The following PECAM1 variants were observed in gnomAD, a reference collection of about 807,000 sequenced individuals.
The protein encoded by PECAM1 is platelet and endothelial cell adhesion molecule 1.
Under a neutral mutation model 13.8 loss-of-function variants are expected in PECAM1, and 8 were observed. The observed-to-expected ratio is 0.58, with a 90% CI of 0.34 to 1.05. The LOEUF (loss-of-function observed/expected upper bound fraction) is 1.05. PECAM1 is among the 50% of genes least tolerant of loss of function. The pLI is 0.03. For synonymous variants in PECAM1, 136 were observed against 52.6 expected (o/e 2.58, Z -6.86); for missense variants, 304 against 141.2 (o/e 2.15, Z -5.84).
chr17:64,362,719 G>C (rs1431321976), intron 6 of PECAM1, among the ~76,000 whole-genome samples: 3 of 151,518 alleles, frequency 2.0e-5, no homozygotes, highest in African/African-American at 7.3e-5. Flanking sequence ...CAGACATGGT[G>C]GTGGGCACCT....
chr17:64,365,313 A>C (rs1383038050), intron 5 of PECAM1, among the ~76,000 whole-genome samples: 1 of 152,208 alleles, frequency 6.6e-6, no homozygotes, highest in Non-Finnish European at 1.5e-5. Flanking sequence ...CTGCTCAATG[A>C]AATAAAAGAG....
At chr17:64,349,586 T>TAAAAAAAAAAAA (rs1598018601) in intron 12 of PECAM1, among the ~76,000 whole-genome samples, 2 of 8,382 alleles carry the variant, frequency 2.4e-4, no homozygotes, top group Non-Finnish European at 1.6e-3. Flanking sequence ...AGACTCTGTA[T>TAAAAAAAAAAAA]CAAAAAAAAA....
At chr17:64,338,626 C>T (rs992301449) in intron 14 of PECAM1, among the ~76,000 whole-genome samples, 6 of 152,086 alleles carry the variant, frequency 3.9e-5, no homozygotes, top group Admixed American at 1.3e-4. Flanking sequence ...AGCGTGATCT[C>T]GGCTCACTGC....
rs1275447556 is a variant in PECAM1, at chr17:64,371,083, T to C, written c.692-1058A>G. 3.3e-5 allele frequency among the ~76,000 whole-genome samples: 5 copies of C among 152,288 alleles called. No homozygotes were observed. The East Asian group carries it at 9.6e-4, about 29-fold the overall frequency. ...TAATAATAGCTGAAGGGTGTTTTTC[T>C]TTCACCCAAATCACCTCCAGATGCA... On this transcript the variant is annotated intron_variant, in intron 4 of 15. Coordinates refer to ENST00000563924, the MANE Select transcript of PECAM1 (RefSeq NM_000442.5).
At chr17:64,324,610 G>A (rs910974350) in intron 15 of PECAM1, among the ~76,000 whole-genome samples, 1 of 152,176 alleles carries the variant, frequency 6.6e-6, no homozygotes, top group Non-Finnish European at 1.5e-5. Flanking sequence ...AGATGTACCC[G>A]TTTGAGGCCT....
Position 64,373,148 on chromosome 17 carries a change from A to AAATAAATAAAT in PECAM1, c.691+1902_691+1903insATTTATTTATT, listed in dbSNP as rs1598045725. On this transcript the variant is annotated intron_variant, in intron 4 of 15. Transcript: ENST00000563924. ...ATAAATAAATAAATAAATAAATAAA[A>AAATAAATAAAT]AAAAAAGAAAATGCACAAAACATCT... 9.2e-3 allele frequency among the ~76,000 whole-genome samples: 1,278 copies of AAATAAATAAAT among 139,368 alleles called. 13 individuals carry two copies. The highest frequency in any genetic ancestry group is 0.031 in the South Asian group (132 of 4,314). The allele number at this position is 139,368 out of a possible 152,430, so 91.4% of individuals were successfully genotyped here. A position where few individuals can be genotyped will look rare whatever the true frequency, so the allele number is the denominator to read the frequency against.
At chr17:64,356,069 T>TG (rs2035839608) in intron 8 of PECAM1, 42 bp downstream of exon 8, 3 of 475,168 alleles carry the variant, frequency 6.3e-6, no homozygotes, top group African/African-American at 2.0e-5. Context: ...GTCTTGCCCT[T>TG]GGGAGCCCAC....
rs1285386869 is a variant in PECAM1 at position 64,321,297 on chromosome 17, T to A, written c.*2519A>T. 1 of 305,502 alleles carries A rather than the reference T, an allele frequency of 3.3e-6. No individual in the cohort carries two copies. Among genetic ancestry groups the A allele is most frequent in the Non-Finnish European group, 4.8e-6 (1 of 208,588 alleles). The allele number at this position is 305,502 out of a possible 1,614,324, so 18.9% of individuals were successfully genotyped here. On this transcript the variant is annotated 3_prime_UTR_variant, in exon 16 of 16. Coordinates refer to ENST00000563924, the MANE Select transcript of PECAM1 (RefSeq NM_000442.5). ...ACTCCTGGAGTGGGTGCTCCTGGGA[T>A]GCTTCAGGTTTAGACACCGGGGTTA...
At chr17:64,361,127 A>ATGTGTGTGTGTGTGTGTG (rs1384237450) in intron 6 of PECAM1, among the ~76,000 whole-genome samples, 2,315 of 46,696 alleles carry the variant, frequency 0.05, 99 homozygotes, top group African/African-American at 0.11. Flanking sequence ...GGCTGAGCAT[A>ATGTGTGTGTGTGTGTGTG]TATGTGTGTG....
In PECAM1 at chr17:64,384,285, C is replaced by A. The variant is rs949145708; in HGVS notation, c.92-6168G>T. Among the ~76,000 whole-genome samples, 804 of 152,264 alleles carry A rather than the reference C, an allele frequency of 5.3e-3. 4 individuals carry two copies. Among genetic ancestry groups the A allele is most frequent in the African/African-American group, 0.019 (774 of 41,546 alleles). ...AACTCTGTTGAGATATGAGTCTCAG[C>A]TCTTCATCTTAACACAAATATCATC... On this transcript the variant is annotated intron_variant, in intron 2 of 15. Coordinates refer to ENST00000563924, the MANE Select transcript of PECAM1 (RefSeq NM_000442.5).
chr17:64,323,408 A>T lies in PECAM1; in HGVS notation c.*408T>A. The T allele has an allele frequency of 8.9e-7, 1 of 1,117,944 alleles. No homozygotes were observed. The highest frequency in any genetic ancestry group is 1.1e-6 in the Non-Finnish European group (1 of 909,776). The allele number at this position is 1,117,944 out of a possible 1,614,324, so 69.3% of individuals were successfully genotyped here. On this transcript the variant is annotated 3_prime_UTR_variant, in exon 16 of 16. Transcript: ENST00000563924. ...AAAGAGAAAAAACCAGCCTCTAACCAGGCCATGCGCTAGAAATGATTGAGT... is the reference window on the plus strand; with the variant it reads ...AAAGAGAAAAAACCAGCCTCTAACCTGGCCATGCGCTAGAAATGATTGAGT...
chr17:64,382,051 G>A (rs1214115622), intron 2 of PECAM1, among the ~76,000 whole-genome samples: 1 of 152,150 alleles, frequency 6.6e-6, no homozygotes, highest in African/African-American at 2.4e-5. Flanking sequence ...AGTGAGCCAA[G>A]GTCATGCCAT....
In PECAM1 at chr17:64,387,606, T is replaced by A. The variant is rs998655110; in HGVS notation, c.91+2883A>T. Among the ~76,000 whole-genome samples, 1,274 of 152,248 alleles carry A rather than the reference T, an allele frequency of 8.4e-3. 16 individuals carry two copies. The highest frequency in any genetic ancestry group is 0.029 in the African/African-American group (1,209 of 41,546). On this transcript the variant is annotated intron_variant, in intron 2 of 15. Transcript: ENST00000563924. ...GAGGAAGGGTCTCAGCCTAAGTGCC[T>A]GGCTGGCCCCCATCAGCTGAGGAGC... is the stretch of plus-strand genomic sequence containing the variant.
At chr17:64,358,354 A>G in intron 7 of PECAM1, among the ~76,000 whole-genome samples, 1 of 152,130 alleles carries the variant, frequency 6.6e-6, no homozygotes, top group Middle Eastern at 3.4e-3. Context: ...CCTGGGCTCA[A>G]GTGATCCACC....
chr17:64,372,048 A>G (rs2036254101), intron 4 of PECAM1, among the ~76,000 whole-genome samples: 1 of 152,150 alleles, frequency 6.6e-6, no homozygotes, highest in Non-Finnish European at 1.5e-5. Flanking sequence ...AAGAAATACA[A>G]ATCACCACAA....
chr17:64,323,652 G>A lies in PECAM1; in HGVS notation c.*164C>T, dbSNP rs1049993867. ...TCTCTTTCTACCCAACATTAACTTA[G>A]CAGGATGGATTTAAGAACCGGCAGC... On this transcript the variant is annotated 3_prime_UTR_variant, in exon 16 of 16. Coordinates refer to ENST00000563924, the MANE Select transcript of PECAM1 (RefSeq NM_000442.5). 51 of 1,486,364 alleles carry A rather than the reference G, an allele frequency of 3.4e-5. No individual in the cohort carries two copies. The African/African-American group carries it at 6.3e-4, about 18-fold the overall frequency. The allele number at this position is 1,486,364 out of a possible 1,614,324, so 92.1% of individuals were successfully genotyped here.
intron 3 of PECAM1, 56 bp downstream of exon 3, chr17:64,377,768 A>G: frequency 2.1e-6 from 1 of 473,462 alleles, no homozygotes. Context: ...GCTGTTATTC[A>G]CGCCACTGTG....
rs2034844492 is a variant in PECAM1 at position 64,323,000 on chromosome 17, C to T, written c.*816G>A. On this transcript the variant is annotated 3_prime_UTR_variant, in exon 16 of 16. Coordinates refer to ENST00000563924, the MANE Select transcript of PECAM1 (RefSeq NM_000442.5). ...GGGATTACAGGCGTGAGCCACCTTGCCTGCCCTGGCAAGGAATACATTTTT... is the reference window on the plus strand; with the variant it reads ...GGGATTACAGGCGTGAGCCACCTTGTCTGCCCTGGCAAGGAATACATTTTT... 27 of 977,950 alleles carry T rather than the reference C, an allele frequency of 2.8e-5. No individual in the cohort carries two copies. The highest frequency in any genetic ancestry group is 3.3e-5 in the Non-Finnish European group (27 of 823,048). 60.6% of individuals were successfully genotyped at this position (977,950 alleles called of 1,614,324 possible). A position where few individuals can be genotyped will look rare whatever the true frequency, so the allele number is the denominator to read the frequency against.
chr17:64,331,682 G>A (rs1216062994), intron 14 of PECAM1, among the ~76,000 whole-genome samples: 1 of 152,266 alleles, frequency 6.6e-6, no homozygotes, highest in Non-Finnish European at 1.5e-5. Context: ...TGAGAGGCAA[G>A]TGACGGGTAT....
Sources: gnomAD v4.1 joint callset for allele counts (sites outside exome capture counted in the v4.1 genomes callset) on GRCh38, gnomAD v4.1.1 for gene constraint, MANE v1.5 for transcripts, NCBI Gene and HGNC (gene_info 2026-07-23, HGNC 2026-07-21) for gene names.